CYBB: variants seen among roughly 807,000 people sequenced by gnomAD.
CYBB encodes the protein cytochrome b-245 beta chain.
In CYBB, 5 loss-of-function variants were observed where a neutral mutation model predicts 46.5. That is an observed-to-expected ratio of 0.11 (90% CI 0.06 to 0.23). The LOEUF is 0.23. Ranked by LOEUF, CYBB falls within the 10% of genes least tolerant of loss-of-function variation. CYBB has a pLI of 1.00. For missense variants in CYBB, 307 were observed against 428.3 expected (o/e 0.72, Z 2.50); for synonymous variants, 183 against 156.7 (o/e 1.17, Z -1.26).
intron 8 of CYBB, among the ~76,000 whole-genome samples, chrX:37,801,638 G>T (rs183513168): frequency 9.5e-6 from 1 of 105,629 alleles, no homozygotes; most frequent in Non-Finnish European, 2.0e-5. Context: ...GTTTGTGTCT[G>T]TGTGTCTGTG....
chrX:37,802,456 G>T (rs1465829539), intron 8 of CYBB, among the ~76,000 whole-genome samples: 5 of 111,707 alleles, frequency 4.5e-5, no homozygotes, highest in Non-Finnish European at 1.9e-5. Context: ...TGAGAAACAA[G>T]ATGTTATCCA....
At chrX:37,810,486 G>A (rs1468252731) in intron 12 of CYBB, among the ~76,000 whole-genome samples, 4 of 112,151 alleles carry the variant, frequency 3.6e-5, no homozygotes, top group African/African-American at 1.3e-4. Context: ...GAGCCCTGAA[G>A]GAAAGTAGCC....
At chrX:37,805,699 C>T (rs781906067) in intron 10 of CYBB, among the ~76,000 whole-genome samples, 5 of 110,432 alleles carry the variant, frequency 4.5e-5, no homozygotes, top group East Asian at 2.9e-4. Context: ...AATTTCCAGC[C>T]GCGCCCCACC....
At chrX:37,803,359 C>G (rs782729871) in intron 8 of CYBB, among the ~76,000 whole-genome samples, 1 of 110,723 alleles carries the variant, frequency 9.0e-6, no homozygotes, top group African/African-American at 3.3e-5. Flanking sequence ...GAAGGCTGAG[C>G]AGGAAACATC....
In CYBB at chrX:37,803,898, A is replaced by G. The variant is rs151344489; in HGVS notation, c.919A>G (p.Thr307Ala). ...ITKVVTHPFK[T>A]IELQMKKKGF... ...ATAGGTGGTCACTCACCCTTTCAAA[A>G]CCATCGAGCTACAGATGAAGAAGAA... is the stretch of plus-strand genomic sequence containing the variant. Residue 307 changes from threonine (T) to alanine (A), a missense_variant, in exon 9 of 13, where the codon ACC (threonine) becomes GCC (alanine). Thr to Ala is a moderately conservative substitution (Grantham distance 58). Around this residue, in one of 3 missense-constraint regions of CYBB, gnomAD observed 122 missense variants for 208.3 expected, o/e 0.59. Transcript: ENST00000378588. The G allele has an allele frequency of 8.3e-7, 1 of 1,210,477 alleles. No homozygotes were observed. Among genetic ancestry groups the G allele is most frequent in the Admixed American group, 2.2e-5 (1 of 45,947 alleles).
intron 3 of CYBB, among the ~76,000 whole-genome samples, chrX:37,791,741 T>G (rs1929200696): frequency 1.8e-5 from 2 of 111,930 alleles, no homozygotes; most frequent in South Asian, 7.4e-4. Context: ...GTCACCAGTA[T>G]GAGAACAGAA....
chrX:37,788,243 C>A (rs992672562), intron 3 of CYBB, among the ~76,000 whole-genome samples: 18 of 111,647 alleles, frequency 1.6e-4, no homozygotes, highest in African/African-American at 5.9e-4. Context: ...AAACCATATT[C>A]GTTTGCTTTA....
chrX:37,796,605 C>T (rs782565909), intron 6 of CYBB, among the ~76,000 whole-genome samples: 80 of 111,930 alleles, frequency 7.1e-4, no homozygotes, highest in African/African-American at 2.5e-3. Flanking sequence ...GAGGACCTAT[C>T]TCAGGCACTG....
At position 37,792,019 on chromosome X, in the gene CYBB, C is replaced by A. The variant is rs1556467101; in HGVS notation, c.297C>A (p.Thr99=). 5.8e-6 allele frequency: 7 copies of A among 1,208,347 alleles called. No homozygotes were observed. The Admixed American group carries it at 6.5e-5, about 11-fold the overall frequency. Residue 99 remains threonine, a synonymous_variant, in exon 4 of 13, where the codon ACC becomes ACA. Transcript: ENST00000378588. The stretch of plus-strand genomic sequence containing the variant: ...GAAGACAACTGGACAGGAATCTCAC[C>A]TTTCATAAAATGGTGGCATGGATGA... ...RVRRQLDRNL[T]FHKMVAWMIA...
rs1556468213 is a variant in CYBB, at chrX:37,795,836, G to A, written c.484-115G>A. On this transcript the variant is annotated intron_variant, in intron 5 of 12. Transcript: ENST00000378588. ...GAAAATATCTATTGTTCTATACATT[G>A]GACACTTTATAATAGTCCTGCATTT... 11 of 539,286 alleles carry A rather than the reference G, an allele frequency of 2.0e-5. No homozygotes were observed. In the Admixed American group the frequency reaches 3.1e-4, roughly 15 times the overall value. 44.4% of individuals were successfully genotyped at this position (539,286 alleles called of 1,213,427 possible).
In CYBB at chrX:37,799,157, C is replaced by G. The variant is rs1224617410; in HGVS notation, c.804+73C>G. On this transcript the variant is annotated intron_variant, in intron 7 of 12. Transcript: ENST00000378588. ...TTAACCTGTGTCTAAGAAACATGTACAGATGTTATACATCTATATAGATGT... is the reference window on the plus strand; with the variant it reads ...TTAACCTGTGTCTAAGAAACATGTAGAGATGTTATACATCTATATAGATGT... 8.1e-6 allele frequency: 8 copies of G among 981,847 alleles called. No individual in the cohort carries two copies. The East Asian group carries it at 1.2e-4, about 15-fold the overall frequency. 80.9% of individuals were successfully genotyped at this position (981,847 alleles called of 1,213,427 possible). A position where few individuals can be genotyped will look rare whatever the true frequency, so the allele number is the denominator to read the frequency against.
intron 12 of CYBB, among the ~76,000 whole-genome samples, chrX:37,810,386 G>A (rs1215567211): frequency 8.9e-6 from 1 of 112,084 alleles, no homozygotes; most frequent in Non-Finnish European, 1.9e-5. Flanking sequence ...TTTGAACAGG[G>A]CTTCAGACTC....
At chrX:37,802,842 C>T (rs1370397581) in intron 8 of CYBB, among the ~76,000 whole-genome samples, 1 of 111,707 alleles carries the variant, frequency 9.0e-6, no homozygotes, top group Non-Finnish European at 1.9e-5. Flanking sequence ...CCTTTGATGT[C>T]CCTTGGTTTG....
Position 37,792,066 on chromosome X carries a change from T to G in CYBB, c.337+7T>G, listed in dbSNP as rs782454748. On this transcript the variant is annotated splice_region_variant and intron_variant, in intron 4 of 12. Transcript: ENST00000378588. ...ATGATTGCACTTCACTCTGGTAAGT[T>G]TATTAAAGAAAACTTGGAACCAGGG... is the stretch of plus-strand genomic sequence containing the variant. The G allele has an allele frequency of 8.6e-7, 1 of 1,159,199 alleles. No homozygotes were observed. Among genetic ancestry groups the G allele is most frequent in the Non-Finnish European group, 1.2e-6 (1 of 848,003 alleles).
intron 11 of CYBB, among the ~76,000 whole-genome samples, chrX:37,807,322 AT>A (rs1304668862): frequency 1.8e-5 from 2 of 109,553 alleles, no homozygotes; most frequent in African/African-American, 6.6e-5. Context: ...GTATATATAT[AT>A]TTTAATATGT....
Position 37,783,613 on chromosome X carries a change from G to A in CYBB, c.252+13G>A. On this transcript the variant is annotated intron_variant, in intron 3 of 12. Coordinates refer to ENST00000378588, the MANE Select transcript of CYBB (RefSeq NM_000397.4). Reference sequence around the variant, plus strand: ...GGGTTCCAGTGCGGTAAGAGAAAATGTTTTACTAAGTTCCTCTAATTTTCA... The same window carrying A: ...GGGTTCCAGTGCGGTAAGAGAAAATATTTTACTAAGTTCCTCTAATTTTCA... The A allele has an allele frequency of 9.3e-7, 1 of 1,071,670 alleles. No homozygotes were observed. Among genetic ancestry groups the A allele is most frequent in the Non-Finnish European group, 1.3e-6 (1 of 768,259 alleles). 88.3% of individuals were successfully genotyped at this position (1,071,670 alleles called of 1,213,427 possible). A position where few individuals can be genotyped will look rare whatever the true frequency, so the allele number is the denominator to read the frequency against.
At chrX:37,797,448 A>G (rs1207542692) in intron 6 of CYBB, among the ~76,000 whole-genome samples, 6 of 111,624 alleles carry the variant, frequency 5.4e-5, no homozygotes, top group African/African-American at 1.3e-4. Flanking sequence ...CTCCTTCTCC[A>G]CTTGAAGAGA....
At chrX:37,794,800 A>C (rs1458471237) in intron 5 of CYBB, among the ~76,000 whole-genome samples, 3 of 111,710 alleles carry the variant, frequency 2.7e-5, no homozygotes, top group Non-Finnish European at 5.7e-5. Flanking sequence ...AAGATGACTA[A>C]ATCACATTAA....
In CYBB at chrX:37,803,985, G is replaced by C. The variant is rs1556470794; in HGVS notation, c.1006G>C (p.Glu336Gln). 1 of 1,209,498 alleles carries C rather than the reference G, an allele frequency of 8.3e-7. No homozygotes were observed. Among genetic ancestry groups the C allele is most frequent in the African/African-American group, 1.8e-5 (1 of 57,062 alleles). Residue 336 changes from glutamate to glutamine, a missense_variant, in exon 9 of 13, where the codon GAG (glutamate) becomes CAG (glutamine). Glu to Gln is a conservative substitution (Grantham distance 29). Transcript: ENST00000378588. Reference protein sequence around the residue: ...FVKCPKVSKLEWHPFTLTSAP... With the variant: ...FVKCPKVSKLQWHPFTLTSAP... ...CAAGTGCCCAAAGGTGTCCAAGCTG[G>C]AGTGGCACCCTTTTACACTGACATC...
Sources: allele counts gnomAD v4.1 joint callset (sites outside exome capture counted in the v4.1 genomes callset), GRCh38; gene constraint gnomAD v4.1.1; regional missense constraint gnomAD v4.1.1; transcripts MANE v1.5; gene names NCBI Gene and HGNC (gene_info 2026-07-23, HGNC 2026-07-21).